The following PCDHA4 variants were observed in gnomAD, a reference collection of about 807,000 sequenced individuals.
The protein encoded by PCDHA4 is protocadherin alpha 4.
In PCDHA4, 49 loss-of-function variants were observed where a neutral mutation model predicts 61.4. That is an observed-to-expected ratio of 0.80 (90% CI 0.63 to 1.01). The LOEUF is 1.01. Ranked by LOEUF, PCDHA4 falls within the 50% of genes least tolerant of loss-of-function variation. PCDHA4 has a pLI of 0.00. For missense variants in PCDHA4, 1,254 were observed against 1,235.8 expected (o/e 1.01, Z -0.22); for synonymous variants, 590 against 550.3 (o/e 1.07, Z -1.01).
At chr5:140,983,184 T>C (rs1367703446) in intron 3 of PCDHA4, among the ~76,000 whole-genome samples, 2 of 152,192 alleles carry the variant, frequency 1.3e-5, no homozygotes, top group Non-Finnish European at 2.9e-5. Flanking sequence ...CACAATTTCT[T>C]AGTTTAGAGG....
At chr5:140,827,965 T>A in intron 1 of PCDHA4, 1 of 1,335,940 alleles carries the variant, frequency 7.5e-7, no homozygotes, top group Non-Finnish European at 1.0e-6. Flanking sequence ...CTTCTATTAC[T>A]GCATCATTCC....
chr5:140,874,953 G>C (rs2055192015), intron 1 of PCDHA4, among the ~76,000 whole-genome samples: 1 of 152,212 alleles, frequency 6.6e-6, no homozygotes, highest in Admixed American at 6.5e-5. Flanking sequence ...GGAATTGTAA[G>C]CTATATAAGG....
Position 140,808,284 on chromosome 5 carries a change from G to A in PCDHA4, c.1097G>A (p.Gly366Asp), listed in dbSNP as rs138396244. Residue 366 changes from glycine (G) to aspartate (D), a missense_variant, in exon 1 of 4, where the codon GGT becomes GAT. Physicochemically the swap from Gly to Asp is moderately conservative, Grantham distance 94. Coordinates refer to ENST00000530339, the MANE Select transcript of PCDHA4 (RefSeq NM_018907.4). ...SLPIREDAPL[G>D]TVIALISVSD... ...CCAATTAGAGAGGACGCTCCACTGG[G>A]TACAGTCATCGCCCTGATCAGCGTG... 3.1e-6 allele frequency: 5 copies of A among 1,614,138 alleles called. No individual in the cohort carries two copies. The African/African-American group carries it at 6.7e-5, about 22-fold the overall frequency.
At chr5:140,935,570 T>C (rs2090442737) in intron 1 of PCDHA4, among the ~76,000 whole-genome samples, 1 of 152,236 alleles carries the variant, frequency 6.6e-6, no homozygotes, top group South Asian at 2.1e-4. Context: ...TTCCTCTCTG[T>C]GTAGTTAAGC....
chr5:140,891,076 A>G (rs2062939819), intron 1 of PCDHA4, among the ~76,000 whole-genome samples: 1 of 152,160 alleles, frequency 6.6e-6, no homozygotes, highest in African/African-American at 2.4e-5. Flanking sequence ...TCCAGTGTCT[A>G]CTGGTTTCCA....
chr5:140,904,926 A>G (rs1459530811), intron 1 of PCDHA4, among the ~76,000 whole-genome samples: 1 of 152,130 alleles, frequency 6.6e-6, no homozygotes, highest in Admixed American at 6.5e-5. Context: ...ACTTCCTTGT[A>G]GGTTCTGGAT....
In PCDHA4 at chr5:140,857,002, T is replaced by G. The variant is rs1215860604; in HGVS notation, c.2385+47430T>G. On this transcript the variant is annotated intron_variant, in intron 1 of 3. Transcript: ENST00000530339. ...AGGACAGTAACACTTATGAAATTCATGTAGATGTTACAGATAAGGGAAACC... is the reference window on the plus strand; with the variant it reads ...AGGACAGTAACACTTATGAAATTCAGGTAGATGTTACAGATAAGGGAAACC... 4 of 1,595,276 alleles carry G rather than the reference T, an allele frequency of 2.5e-6. No individual in the cohort carries two copies. In the African/African-American group the frequency reaches 5.4e-5, roughly 22 times the overall value.
chr5:141,000,361 G>C (rs1253295818), intron 3 of PCDHA4, among the ~76,000 whole-genome samples: 2 of 26,450 alleles, frequency 7.6e-5, no homozygotes, highest in Non-Finnish European at 1.2e-4. Context: ...GTCTCTCTCT[G>C]TCTCTCTCTC....
intron 1 of PCDHA4, among the ~76,000 whole-genome samples, chr5:140,894,231 G>A (rs1265861426): frequency 1.3e-5 from 2 of 151,980 alleles, no homozygotes; most frequent in South Asian, 2.1e-4. Flanking sequence ...GATGTTGAAT[G>A]ACAATGTAAT....
intron 1 of PCDHA4, chr5:140,968,757 A>G (rs1488596963): frequency 6.2e-7 from 1 of 1,614,204 alleles, no homozygotes; most frequent in Non-Finnish European, 8.5e-7. Flanking sequence ...GTGGTCCGAG[A>G]TAATGGAGAG....
rs1412963703 is a variant in PCDHA4, at chr5:140,852,839, T to C, written c.2385+43267T>C. 5.2e-6 allele frequency: 5 copies of C among 968,992 alleles called. 1 individual carries two copies. Among genetic ancestry groups the C allele is most frequent in the Non-Finnish European group, 6.2e-6 (5 of 802,288 alleles). The allele number at this position is 968,992 out of a possible 1,614,324, so 60.0% of individuals were successfully genotyped here. On this transcript the variant is annotated intron_variant, in intron 1 of 3. Coordinates refer to ENST00000530339, the MANE Select transcript of PCDHA4 (RefSeq NM_018907.4). Reference sequence around the variant, plus strand: ...CTAAGTCCTCCAGTCTCCTTAGAGCTAGTACTTACTAAGCATTTACTATGT... The same window carrying C: ...CTAAGTCCTCCAGTCTCCTTAGAGCCAGTACTTACTAAGCATTTACTATGT...
Position 141,011,434 on chromosome 5 carries a change from C to T in PCDHA4, c.*1497C>T, listed in dbSNP as rs934032017. The T allele has an allele frequency of 6.5e-6, 1 of 153,726 alleles. No homozygotes were observed. Among genetic ancestry groups the T allele is most frequent in the Non-Finnish European group, 1.5e-5 (1 of 68,038 alleles). 9.5% of individuals were successfully genotyped at this position (153,726 alleles called of 1,614,324 possible). ...ATGTGAATGTTAATGCAACTATTAC[C>T]TAGAGTGAACTTTAAGCTTTATTGT... On this transcript the variant is annotated 3_prime_UTR_variant, in exon 4 of 4. Coordinates refer to ENST00000530339, the MANE Select transcript of PCDHA4 (RefSeq NM_018907.4).
At chr5:140,826,677 T>A (rs897624044) in intron 1 of PCDHA4, among the ~76,000 whole-genome samples, 2 of 152,092 alleles carry the variant, frequency 1.3e-5, no homozygotes, top group African/African-American at 4.8e-5. Context: ...TAGACGTAAT[T>A]AAAAAAACCC....
chr5:140,849,699 A>G, intron 1 of PCDHA4: 1 of 1,598,608 alleles, frequency 6.3e-7, no homozygotes, highest in Non-Finnish European at 8.6e-7. Flanking sequence ...GTCCACCTAC[A>G]AGAATTACTA....
chr5:140,850,738 G>A lies in PCDHA4; in HGVS notation c.2385+41166G>A. ...GTGTGTTCTAGCGCGGTGGGGAGTT[G>A]GTCGTACTCGCAGCAGAGGAGGCAG... On this transcript the variant is annotated intron_variant, in intron 1 of 3. Transcript: ENST00000530339. 8 of 1,597,962 alleles carry A rather than the reference G, an allele frequency of 5.0e-6. 2 individuals carry two copies. The highest frequency in any genetic ancestry group is 6.9e-6 in the Non-Finnish European group (8 of 1,167,602).
In PCDHA4 at chr5:140,925,595, A is replaced by G. The variant is rs145876147; in HGVS notation, c.2386-53354A>G. 2.8e-3 allele frequency among the ~76,000 whole-genome samples: 431 copies of G among 151,786 alleles called. 1 individual carries two copies. Among genetic ancestry groups the G allele is most frequent in the African/African-American group, 9.9e-3 (412 of 41,446 alleles). On this transcript the variant is annotated intron_variant, in intron 1 of 3. Coordinates refer to ENST00000530339, the MANE Select transcript of PCDHA4 (RefSeq NM_018907.4). ...ACACCAACATGGCGCATGTATACAT[A>G]TGTAACAAACCTGCACGTTGTGCAC...
chr5:140,913,942 T>A (rs1489221369), intron 1 of PCDHA4, among the ~76,000 whole-genome samples: 10 of 152,198 alleles, frequency 6.6e-5, no homozygotes, highest in African/African-American at 2.4e-4. Flanking sequence ...GAGAAGAATC[T>A]TGATATGATA....
chr5:140,843,007 G>A, intron 1 of PCDHA4: 1 of 1,594,980 alleles, frequency 6.3e-7, no homozygotes, highest in Non-Finnish European at 8.6e-7. Context: ...ATGACAACGC[G>A]CCGGCACTGC....
In PCDHA4 at chr5:140,835,819, CG is replaced by C. The variant is rs2150245755; in HGVS notation, c.2385+26252del. On this transcript the variant is annotated intron_variant, in intron 1 of 3. Transcript: ENST00000530339. The stretch of plus-strand genomic sequence containing the variant: ...GGCTGCCACATCTTCACTGTGTCGG[CG>C]GGGGACGCGGACGCGCAGAAGAACG... The C allele has an allele frequency of 7.4e-6, 12 of 1,612,672 alleles. No homozygotes were observed. In the South Asian group the frequency reaches 1.2e-4, roughly 16 times the overall value.
Sources: gnomAD v4.1 joint callset for allele counts (sites outside exome capture counted in the v4.1 genomes callset) on GRCh38, gnomAD v4.1.1 for gene constraint, MANE v1.5 for transcripts, NCBI Gene and HGNC (gene_info 2026-07-23, HGNC 2026-07-21) for gene names.